Variants in MYOM1 observed in about 807,000 individuals in gnomAD.
MYOM1 encodes the protein myomesin 1.
In MYOM1, 164 loss-of-function variants were observed where a neutral mutation model predicts 205.3. That is an observed-to-expected ratio of 0.80 (90% CI 0.70 to 0.91). The LOEUF is 0.91. Among genes scored for constraint, MYOM1 ranks in the 40% least tolerant of loss-of-function variants. The pLI is 0.00. For missense variants in MYOM1, 2,011 were observed against 2,127.3 expected, an observed-to-expected ratio of 0.95 and a Z score of 1.08; for synonymous variants, 772 against 789.4, an observed-to-expected ratio of 0.98 and a Z score of 0.37.
chr18:3,111,668 C>T (rs1008730535), intron 22 of MYOM1, among the ~76,000 whole-genome samples: 1 of 152,040 alleles, frequency 6.6e-6, no homozygotes, highest in Non-Finnish European at 1.5e-5. Flanking sequence ...ATGCATATAA[C>T]GCATCACATT....
Position 3,116,316 on chromosome 18 carries a change from T to A in MYOM1, c.3303+15A>T. On this transcript the variant is annotated intron_variant, in intron 21 of 37. Coordinates refer to ENST00000356443, the MANE Select transcript of MYOM1 (RefSeq NM_003803.4). ...CAGTTAGTAGAGGAAGCTCTAGAAC[T>A]GAGCAGCCTCTTACCTTCAGGTATA... 5 of 1,608,576 alleles carry A rather than the reference T, an allele frequency of 3.1e-6. No homozygotes were observed. Among genetic ancestry groups the A allele is most frequent in the Non-Finnish European group, 2.5e-6 (3 of 1,178,152 alleles).
At chr18:3,161,681 C>G in intron 10 of MYOM1, among the ~76,000 whole-genome samples, 1 of 152,172 alleles carries the variant, frequency 6.6e-6, no homozygotes, top group East Asian at 1.9e-4. Flanking sequence ...AGAAACAAAT[C>G]TTTTGTTATT....
chr18:3,090,734 C>CT lies in MYOM1; in HGVS notation c.3932dup (p.Asp1312GlyfsTer2). The CT allele has an allele frequency of 6.2e-7, 1 of 1,613,962 alleles. No homozygotes were observed. The highest frequency in any genetic ancestry group is 8.5e-7 in the Non-Finnish European group (1 of 1,179,880). On this transcript the variant is annotated frameshift_variant, in exon 27 of 38. Coordinates refer to ENST00000356443, the MANE Select transcript of MYOM1 (RefSeq NM_003803.4). LOFTEE classifies it high-confidence loss of function. ...GCTGGAAAGTGTACGTTCCCTCATC[C>CT]TCATCCTGTAGCTTTTCCATGAACA...
Position 3,067,151 on chromosome 18 carries a change from C to T in MYOM1, c.*111G>A. 2.5e-6 allele frequency: 3 copies of T among 1,195,734 alleles called. No homozygotes were observed. Among genetic ancestry groups the T allele is most frequent in the Non-Finnish European group, 3.4e-6 (3 of 871,732 alleles). The allele number at this position is 1,195,734 out of a possible 1,614,324, so 74.1% of individuals were successfully genotyped here. On this transcript the variant is annotated 3_prime_UTR_variant, in exon 38 of 38. Transcript: ENST00000356443. ...GAGTGAAAGACCTGACATTATTTTC[C>T]CCTCAAGCCAGAAAATAATAGGGAG...
Position 3,162,773 on chromosome 18 carries a change from C to G in MYOM1, c.1501+1505G>C, listed in dbSNP as rs531388899. On this transcript the variant is annotated intron_variant, in intron 10 of 37. Transcript: ENST00000356443. The stretch of plus-strand genomic sequence containing the variant: ...CCGGGCGTGGGCTCACGCCTGTAAT[C>G]CCAGCACTTTGGGAGACCGAGACCG... Among the ~76,000 whole-genome samples the G allele has an allele frequency of 3.9e-4, 60 of 152,244 alleles. No homozygotes were observed. In the Middle Eastern group the frequency reaches 0.01, roughly 26 times the overall value.
chr18:3,090,283 G>A (rs975514430), intron 27 of MYOM1, among the ~76,000 whole-genome samples: 7 of 146,662 alleles, frequency 4.8e-5, no homozygotes, highest in African/African-American at 1.8e-4. Context: ...GCAGTGGTGC[G>A]ATCTTGGCTC....
intron 29 of MYOM1, among the ~76,000 whole-genome samples, chr18:3,086,770 A>AG (rs2079159671): frequency 6.6e-6 from 1 of 152,002 alleles, no homozygotes; most frequent in Non-Finnish European, 1.5e-5. Context: ...CAATGCTTGA[A>AG]TTTTTTTTAC....
chr18:3,221,107 G>C (rs1243654295), upstream of MYOM1, among the ~76,000 whole-genome samples: 1 of 151,992 alleles, frequency 6.6e-6, no homozygotes. Flanking sequence ...TGCAACCTCT[G>C]CCTCCCAGGC....
intron 25 of MYOM1, 85 bp from the exon 26 acceptor site, chr18:3,094,391 AAAAC>A: frequency 3.8e-5 from 50 of 1,305,670 alleles, no homozygotes; most frequent in Admixed American, 1.1e-4. Context: ...AAAAAAAAAA[AAAAC>A]CACACAATGG....
Position 3,157,677 on chromosome 18 carries a change from CAAA to C in MYOM1, c.1502-2592_1502-2590del, listed in dbSNP as rs201070269. ...GGGTGACAGAGCAAGACCTTGTCTC[CAAA>C]AATAATAATAATAATAATAATAATA... On this transcript the variant is annotated intron_variant, in intron 10 of 37. Coordinates refer to ENST00000356443, the MANE Select transcript of MYOM1 (RefSeq NM_003803.4). Among the ~76,000 whole-genome samples the C allele has an allele frequency of 3.4e-3, 318 of 94,518 alleles. 3 individuals are homozygous for C. Among genetic ancestry groups the C allele is most frequent in the Non-Finnish European group, 4.9e-3 (240 of 49,014 alleles). 62.0% of individuals were successfully genotyped at this position (94,518 alleles called of 152,430 possible).
the MYOM1 span, among the ~76,000 whole-genome samples, chr18:3,225,219 C>A: frequency 1.3e-5 from 2 of 151,866 alleles, no homozygotes; most frequent in African/African-American, 4.8e-5. Flanking sequence ...GATCTCCTGA[C>A]CTCGTGATCT....
chr18:3,102,017 T>C (rs1477332900), intron 23 of MYOM1, among the ~76,000 whole-genome samples: 1 of 126,524 alleles, frequency 7.9e-6, no homozygotes, highest in Non-Finnish European at 1.6e-5. Flanking sequence ...TTTTTTTTTT[T>C]TTGAGACAGA....
At chr18:3,212,618 C>T (rs1299485206) in intron 2 of MYOM1, among the ~76,000 whole-genome samples, 1 of 152,116 alleles carries the variant, frequency 6.6e-6, no homozygotes, top group Non-Finnish European at 1.5e-5. Context: ...GAAATAAGTA[C>T]ACAAGGAGTT....
Position 3,067,109 on chromosome 18 carries a change from T to C in MYOM1, c.*153A>G. On this transcript the variant is annotated 3_prime_UTR_variant, in exon 38 of 38. Transcript: ENST00000356443. ...AGAAAAACAATTAAAGTGTCATTAGTTGGTGCTTTTTTATATGAGTGAAAG... is the reference window on the plus strand; with the variant it reads ...AGAAAAACAATTAAAGTGTCATTAGCTGGTGCTTTTTTATATGAGTGAAAG... 2.6e-6 allele frequency: 2 copies of C among 759,292 alleles called. No homozygotes were observed. Among genetic ancestry groups the C allele is most frequent in the Non-Finnish European group, 4.1e-6 (2 of 482,056 alleles). The allele number at this position is 759,292 out of a possible 1,614,324, so 47.0% of individuals were successfully genotyped here.
intron 5 of MYOM1, among the ~76,000 whole-genome samples, chr18:3,186,806 A>AAG (rs750186492): frequency 1.7e-5 from 2 of 115,622 alleles, no homozygotes; most frequent in African/African-American, 3.8e-5. Context: ...AAGAAAGAGA[A>AAG]AGAAAGAAAG....
chr18:3,115,209 G>T (rs1162617906), intron 21 of MYOM1, among the ~76,000 whole-genome samples: 2 of 152,046 alleles, frequency 1.3e-5, no homozygotes. Flanking sequence ...GTCCTTCCTT[G>T]AACTTTTCTC....
the MYOM1 span, among the ~76,000 whole-genome samples, chr18:3,235,451 A>G: frequency 3.9e-5 from 6 of 152,206 alleles, no homozygotes; most frequent in Non-Finnish European, 7.3e-5. Flanking sequence ...CCCATACTTA[A>G]AATGTATGCA....
chr18:3,155,996 C>G (rs1332097677), intron 10 of MYOM1, among the ~76,000 whole-genome samples: 1 of 152,224 alleles, frequency 6.6e-6, no homozygotes, highest in Non-Finnish European at 1.5e-5. Flanking sequence ...CGGGATAATA[C>G]AGGAAACACT....
chr18:3,204,350 T>G (rs1385290892), intron 2 of MYOM1, among the ~76,000 whole-genome samples: 1 of 151,936 alleles, frequency 6.6e-6, no homozygotes, highest in African/African-American at 2.4e-5. Flanking sequence ...ACACAAAAAT[T>G]GTTGGTACTA....
Sources: allele counts gnomAD v4.1 joint callset (sites outside exome capture counted in the v4.1 genomes callset), GRCh38; gene constraint gnomAD v4.1.1; transcripts MANE v1.5; gene names NCBI Gene and HGNC (gene_info 2026-07-23, HGNC 2026-07-21).